RANBP3L: variants seen among roughly 807,000 people sequenced by gnomAD.
RANBP3L encodes RAN binding protein 3 like.
In RANBP3L, 56 loss-of-function variants were observed where a neutral mutation model predicts 67.2. The observed-to-expected ratio is 0.83, with a 90% CI of 0.67 to 1.04. The LOEUF is 1.04. Among genes scored for constraint, RANBP3L ranks in the 50% least tolerant of loss-of-function variants. The probability of loss-of-function intolerance (pLI) is 0.00; values close to 1 mark genes in which losing one functional copy is unlikely to be tolerated. For synonymous variants in RANBP3L, 164 were observed against 181.4 expected (o/e 0.90, Z 0.77); for missense variants, 496 against 535.5 (o/e 0.93, Z 0.73).
chr5:36,269,011 G>A (rs1369394273), intron 4 of RANBP3L, among the ~76,000 whole-genome samples: 2 of 152,092 alleles, frequency 1.3e-5, no homozygotes, highest in African/African-American at 4.8e-5. Context: ...CGCCCAGCCT[G>A]TGGTTACTTT....
intron 1 of RANBP3L, among the ~76,000 whole-genome samples, chr5:36,277,438 ATATGTGTGTGTG>A (rs1452438742): frequency 6.7e-4 from 55 of 82,254 alleles, no homozygotes; most frequent in African/African-American, 2.6e-3. Flanking sequence ...ATATATATAT[ATATGTGTGTGTG>A]TGTGTGTGTG....
chr5:36,257,210 T>A, intron 9 of RANBP3L, 139 bp from the exon 10 acceptor site: 1 of 740,774 alleles, frequency 1.3e-6, no homozygotes, highest in Non-Finnish European at 2.1e-6. Context: ...CTGCTTGAGT[T>A]GGTGTAAAAT....
At chr5:36,290,726 C>CT (rs61105686) in intron 1 of RANBP3L, among the ~76,000 whole-genome samples, 1,556 of 55,444 alleles carry the variant, frequency 0.028, 124 homozygotes, top group Non-Finnish European at 0.039. Flanking sequence ...ACAACCATGG[C>CT]TTTTTTTTTT....
intron 5 of RANBP3L, 112 bp from the exon 6 acceptor site, chr5:36,265,210 T>A: frequency 1.4e-6 from 1 of 733,270 alleles, no homozygotes; most frequent in Non-Finnish European, 2.1e-6. Flanking sequence ...AATGAGGGAC[T>A]AGCGTTAATT....
intron 1 of RANBP3L, among the ~76,000 whole-genome samples, chr5:36,274,990 G>T (rs1299696689): frequency 6.6e-6 from 1 of 151,962 alleles, no homozygotes; most frequent in East Asian, 1.9e-4. Context: ...AAACTTAAAG[G>T]TTAATTTTGC....
At chr5:36,287,989 A>G (rs1202196089) in intron 1 of RANBP3L, among the ~76,000 whole-genome samples, 1 of 152,244 alleles carries the variant, frequency 6.6e-6, no homozygotes, top group African/African-American at 2.4e-5. Context: ...CCTAGAGGAA[A>G]ATTTGGAGTC....
At chr5:36,292,794 G>C (rs998900738) in intron 1 of RANBP3L, among the ~76,000 whole-genome samples, 3 of 152,156 alleles carry the variant, frequency 2.0e-5, no homozygotes, top group Admixed American at 2.0e-4. Context: ...TGCTGTTTTG[G>C]TTACTGTAGC....
At chr5:36,297,320 G>C (rs549647420) in intron 1 of RANBP3L, among the ~76,000 whole-genome samples, 1 of 152,024 alleles carries the variant, frequency 6.6e-6, no homozygotes, top group South Asian at 2.1e-4. Context: ...GGAGGGGGAG[G>C]AAGAGGAAGG....
At chr5:36,288,597 G>A (rs921670053) in intron 1 of RANBP3L, among the ~76,000 whole-genome samples, 2 of 152,154 alleles carry the variant, frequency 1.3e-5, no homozygotes, top group African/African-American at 4.8e-5. Context: ...CCAGCAGCGA[G>A]TGAGTTCTGG....
At chr5:36,291,077 T>C (rs925514579) in intron 1 of RANBP3L, among the ~76,000 whole-genome samples, 2 of 151,884 alleles carry the variant, frequency 1.3e-5, no homozygotes, top group African/African-American at 2.4e-5. Context: ...ATACTTACCA[T>C]AAAATGTATC....
At chr5:36,261,063 T>C (rs951253745) in intron 7 of RANBP3L, among the ~76,000 whole-genome samples, 199 bp from the exon 8 acceptor site, 1 of 152,230 alleles carries the variant, frequency 6.6e-6, no homozygotes, top group African/African-American at 2.4e-5. Context: ...TTCCAGCTCT[T>C]ACAGCACTGG....
At chr5:36,298,505 T>C (rs190492863) in intron 1 of RANBP3L, among the ~76,000 whole-genome samples, 23 of 152,304 alleles carry the variant, frequency 1.5e-4, no homozygotes, top group Admixed American at 3.3e-4. Context: ...ATGGCTTTGC[T>C]TCCTGGGACC....
At chr5:36,301,042 C>A (rs942028679) in intron 1 of RANBP3L, among the ~76,000 whole-genome samples, 3 of 152,122 alleles carry the variant, frequency 2.0e-5, no homozygotes, top group Non-Finnish European at 4.4e-5. Context: ...CTCAGCCTTG[C>A]TCAGATGGGT....
intron 6 of RANBP3L, among the ~76,000 whole-genome samples, chr5:36,264,240 A>C (rs1749596020): frequency 6.6e-6 from 1 of 152,242 alleles, no homozygotes; most frequent in Non-Finnish European, 1.5e-5. Flanking sequence ...ACCAATCCTC[A>C]GTAGTTCAGC....
chr5:36,264,914 A>C (rs748017197), intron 6 of RANBP3L, 45 bp downstream of exon 6: 11 of 1,565,942 alleles, frequency 7.0e-6, no homozygotes, highest in Non-Finnish European at 9.5e-6. Context: ...TGCAAAAAGA[A>C]AGATGAGGGA....
chr5:36,278,212 C>T (rs1304183575), intron 1 of RANBP3L, among the ~76,000 whole-genome samples: 1 of 152,148 alleles, frequency 6.6e-6, no homozygotes. Flanking sequence ...TTACCTTATG[C>T]TTACCCCTAG....
intron 1 of RANBP3L, among the ~76,000 whole-genome samples, chr5:36,296,131 C>T (rs1046947223): frequency 9.9e-5 from 15 of 152,086 alleles, no homozygotes; most frequent in Admixed American, 3.9e-4. Context: ...TCTGGCTGAC[C>T]ATTTGTATAC....
chr5:36,284,219 A>C lies in RANBP3L; in HGVS notation c.92-12908T>G, dbSNP rs532596697. On this transcript the variant is annotated intron_variant, in intron 1 of 13. Coordinates refer to ENST00000296604, the MANE Select transcript of RANBP3L (RefSeq NM_145000.5). The stretch of plus-strand genomic sequence containing the variant: ...AGTTAGTATCAAAAGATACCTTCAC[A>C]CCAGCATCCCTTGTTAAAAGTCTAG... 6.6e-5 allele frequency among the ~76,000 whole-genome samples: 10 copies of C among 152,262 alleles called. 1 individual carries two copies. The South Asian group carries it at 2.1e-3, about 32-fold the overall frequency.
chr5:36,261,806 T>TA (rs1401392229), intron 7 of RANBP3L, 133 bp downstream of exon 7: 6 of 497,614 alleles, frequency 1.2e-5, no homozygotes, highest in South Asian at 4.5e-5. Context: ...GTGTTTCCTA[T>TA]AAAATCTCCT....
Sources: gnomAD v4.1 joint callset for allele counts (sites outside exome capture counted in the v4.1 genomes callset) on GRCh38, gnomAD v4.1.1 for gene constraint, MANE v1.5 for transcripts, NCBI Gene and HGNC (gene_info 2026-07-23, HGNC 2026-07-21) for gene names.